GLIS3: variants seen among roughly 807,000 people sequenced by gnomAD.
The protein encoded by GLIS3 is zinc finger protein GLIS3.
GLIS3 carries 53 observed loss-of-function variants against 78.6 expected under a neutral mutation model. The observed-to-expected ratio is 0.67, with a 90% CI of 0.54 to 0.85. The LOEUF (loss-of-function observed/expected upper bound fraction) is 0.85. GLIS3 is among the 40% of genes least tolerant of loss of function. GLIS3 has a pLI of 0.00. For synonymous variants in GLIS3, 684 were observed against 509.9 expected (o/e 1.34, Z -4.60); for missense variants, 1,703 against 1,231.1 (o/e 1.38, Z -5.74).
chr9:4,423,089 G>T, the GLIS3 span, among the ~76,000 whole-genome samples: 1 of 151,952 alleles, frequency 6.6e-6, no homozygotes, highest in Non-Finnish European at 1.5e-5. Context: ...CTCCATAGGT[G>T]GGGTCCCCTG....
intron 7 of GLIS3, among the ~76,000 whole-genome samples, chr9:3,886,854 G>C (rs1363699826): frequency 6.6e-6 from 1 of 152,080 alleles, no homozygotes; most frequent in East Asian, 2.0e-4. Flanking sequence ...AGGTTAATTG[G>C]AGAACGAGAG....
chr9:4,273,508 A>T (rs150532694), intron 2 of GLIS3, among the ~76,000 whole-genome samples: 425 of 152,152 alleles, frequency 2.8e-3, no homozygotes, highest in African/African-American at 1.0e-2. Context: ...TGGAATCATC[A>T]CTTGAGCCCA....
the GLIS3 span, among the ~76,000 whole-genome samples, chr9:4,404,886 G>C: frequency 1.1e-4 from 16 of 152,018 alleles, no homozygotes; most frequent in Non-Finnish European, 1.6e-4. Context: ...AGAAATAAAT[G>C]AAACTAAAAT....
chr9:4,317,133 T>C (rs1333044133), intron 2 of GLIS3, among the ~76,000 whole-genome samples: 2 of 152,198 alleles, frequency 1.3e-5, no homozygotes, highest in Non-Finnish European at 2.9e-5. Context: ...AGAAAGAATG[T>C]ATTCAGTGCC....
At chr9:3,983,743 G>T (rs1819498329) in intron 4 of GLIS3, among the ~76,000 whole-genome samples, 2 of 152,126 alleles carry the variant, frequency 1.3e-5, no homozygotes, top group Admixed American at 6.5e-5. Context: ...GATGATTTAG[G>T]GTATCTGGCG....
chr9:4,115,470 A>G (rs1433592768), intron 4 of GLIS3, among the ~76,000 whole-genome samples: 1 of 152,170 alleles, frequency 6.6e-6, no homozygotes, highest in Non-Finnish European at 1.5e-5. Flanking sequence ...GTGGACTCCA[A>G]GACTATAAAT....
chr9:3,843,663 A>T (rs767220640), intron 9 of GLIS3, among the ~76,000 whole-genome samples: 2 of 152,242 alleles, frequency 1.3e-5, no homozygotes, highest in Non-Finnish European at 2.9e-5. Context: ...TATAAAACAT[A>T]TATTGATATA....
chr9:4,007,513 A>T (rs1211620815), intron 4 of GLIS3, among the ~76,000 whole-genome samples: 1 of 152,184 alleles, frequency 6.6e-6, no homozygotes, highest in Non-Finnish European at 1.5e-5. Context: ...TCAGCTAAAA[A>T]AGAAATATGG....
chr9:4,286,461 A>G lies in GLIS3; in HGVS notation c.-36T>C. The G allele has an allele frequency of 6.2e-7, 1 of 1,611,148 alleles. No homozygotes were observed. Reference sequence around the variant, plus strand: ...CTGTGGCCAAGACGGTCAAATATCCAATGTCACTAATGACTCCTTTCAGGC... The same window carrying G: ...CTGTGGCCAAGACGGTCAAATATCCGATGTCACTAATGACTCCTTTCAGGC... On this transcript the variant is annotated 5_prime_UTR_variant, in exon 2 of 11. Transcript: ENST00000381971.
chr9:4,352,366 C>T (rs1817983217), upstream of GLIS3, among the ~76,000 whole-genome samples: 1 of 152,232 alleles, frequency 6.6e-6, no homozygotes, highest in African/African-American at 2.4e-5. Context: ...GTCCCTTGGT[C>T]ATTTATCTCC....
chr9:3,944,479 G>A (rs1588283853), intron 4 of GLIS3, among the ~76,000 whole-genome samples: 1 of 152,218 alleles, frequency 6.6e-6, no homozygotes, highest in South Asian at 2.1e-4. Flanking sequence ...TACAATGCCA[G>A]AAGACTACAA....
intron 6 of GLIS3, among the ~76,000 whole-genome samples, chr9:3,914,646 C>G (rs1824381394): frequency 6.6e-6 from 1 of 152,166 alleles, no homozygotes; most frequent in Non-Finnish European, 1.5e-5. Flanking sequence ...GGGAACAAAT[C>G]CAATTTTCCA....
chr9:4,068,127 C>A (rs1206207166), intron 4 of GLIS3, among the ~76,000 whole-genome samples: 2 of 152,068 alleles, frequency 1.3e-5, no homozygotes, highest in African/African-American at 4.8e-5. Context: ...TGGTAGTAAG[C>A]ATGAATTTAA....
intron 5 of GLIS3, 49 bp downstream of exon 5, chr9:3,936,979 C>T: frequency 1.9e-6 from 3 of 1,610,804 alleles, no homozygotes; most frequent in Non-Finnish European, 2.5e-6. Context: ...CAGGCACTTC[C>T]TCACACCAGG....
At chr9:4,408,253 C>G in the GLIS3 span, among the ~76,000 whole-genome samples, 2 of 151,970 alleles carry the variant, frequency 1.3e-5, no homozygotes, top group African/African-American at 2.4e-5. Context: ...CCCAGCAATC[C>G]CACTGCTGAG....
intron 4 of GLIS3, among the ~76,000 whole-genome samples, chr9:4,067,204 T>C (rs1201540296): frequency 1.3e-5 from 2 of 151,906 alleles, no homozygotes; most frequent in East Asian, 3.8e-4. Context: ...TAATACTTTA[T>C]ATTAAAATTC....
chr9:4,423,386 C>T, the GLIS3 span, among the ~76,000 whole-genome samples: 8 of 152,242 alleles, frequency 5.3e-5, no homozygotes, highest in South Asian at 1.7e-3. Context: ...AAGAGTTCTA[C>T]TCAACCCATC....
intron 2 of GLIS3, among the ~76,000 whole-genome samples, chr9:4,239,021 C>G (rs895800219): frequency 6.6e-6 from 1 of 151,846 alleles, no homozygotes; most frequent in Non-Finnish European, 1.5e-5. Flanking sequence ...ATGAACTCAT[C>G]ATTTTTTATG....
chr9:4,339,471 T>C (rs931141056), intron 2 of GLIS3, among the ~76,000 whole-genome samples: 6 of 152,008 alleles, frequency 3.9e-5, no homozygotes, highest in African/African-American at 1.4e-4. Context: ...ACTGCCAATC[T>C]GTTACATAAA....
Sources: gnomAD v4.1 joint callset for allele counts (sites outside exome capture counted in the v4.1 genomes callset) on GRCh38, gnomAD v4.1.1 for gene constraint, MANE v1.5 for transcripts, NCBI Gene and HGNC (gene_info 2026-07-23, HGNC 2026-07-21) for gene names.